Variants in P2RX6 observed in about 807,000 individuals in gnomAD.
P2RX6 encodes the protein P2X purinoceptor 6.
Under a neutral mutation model 54.2 loss-of-function variants are expected in P2RX6, and 62 were observed. The ratio of observed to expected loss-of-function variants is 1.14; its 90% CI spans 0.93 to 1.41. The LOEUF is 1.41. Among genes scored for constraint, P2RX6 ranks in the 40% most tolerant of loss-of-function variants. The pLI is 0.00. For missense variants in P2RX6, 541 were observed against 566.3 expected, an observed-to-expected ratio of 0.96 and a Z score of 0.45; for synonymous variants, 211 against 231.9, an observed-to-expected ratio of 0.91 and a Z score of 0.82.
Position 21,022,672 on chromosome 22 carries a change from TCAGCA to T in P2RX6, c.388-2_390del. On this transcript the variant is annotated splice_acceptor_variant and splice_polypyrimidine_tract_variant and coding_sequence_variant and intron_variant, in exon 4 of 12. Coordinates refer to ENST00000413302, the MANE Select transcript of P2RX6 (RefSeq NM_005446.5). LOFTEE classifies it high-confidence loss of function. ...ATTGGTGACTGCTCTCTCTCCCACC[TCAGCA>T]CCCGTCCGTCCCACTGGCTAACTGC... 1 of 1,538,788 alleles carries T rather than the reference TCAGCA, an allele frequency of 6.5e-7. No individual in the cohort carries two copies. Among genetic ancestry groups the T allele is most frequent in the African/African-American group, 1.4e-5 (1 of 72,658 alleles).
At chr22:21,013,111 G>T, upstream of P2RX6, 1 of 163,870 alleles carries the variant, frequency 6.1e-6, no homozygotes, top group South Asian at 1.7e-4. Context: ...AGCAGAAGAT[G>T]GGCACAATGC....
intron 8 of P2RX6, among the ~76,000 whole-genome samples, chr22:21,024,964 T>A (rs891551981): frequency 6.8e-6 from 1 of 147,610 alleles, no homozygotes; most frequent in Non-Finnish European, 1.5e-5. Context: ...CACTGCAATC[T>A]TTGCCTCTCG....
At chr22:21,012,874 A>T (rs1463440997), upstream of P2RX6, among the ~76,000 whole-genome samples, 1 of 144,046 alleles carries the variant, frequency 6.9e-6, no homozygotes, top group African/African-American at 2.6e-5. Context: ...CCTTCATGCC[A>T]TCTGTCATAG....
At chr22:21,025,740 G>T in intron 8 of P2RX6, 65 bp from the exon 9 acceptor site, 1 of 1,245,640 alleles carries the variant, frequency 8.0e-7, no homozygotes, top group South Asian at 1.3e-5. Context: ...ACAGAGGTCT[G>T]GCAGGGCCAG....
In P2RX6 at chr22:21,026,096, G is replaced by A. The variant is rs1441349729; in HGVS notation, c.1050+20G>A. 2 of 1,602,560 alleles carry A rather than the reference G, an allele frequency of 1.2e-6. No individual in the cohort carries two copies. The highest frequency in any genetic ancestry group is 2.2e-5 in the South Asian group (2 of 89,360). On this transcript the variant is annotated intron_variant, in intron 10 of 11. Transcript: ENST00000413302. The surrounding 1 kb of genome is among the most constrained non-coding windows in gnomAD (Gnocchi z 4.0). The stretch of plus-strand genomic sequence containing the variant: ...GGCGTGGTGAGTGCGAGCACTGTGG[G>A]CACCTGCAGGCTGCAGTGAGTGCTG...
intron 8 of P2RX6, 67 bp downstream of exon 8, chr22:21,023,685 C>A: frequency 8.7e-7 from 1 of 1,152,812 alleles, no homozygotes; most frequent in Non-Finnish European, 1.3e-6. Context: ...GCGGCCAGGA[C>A]AGACCACACC....
At position 21,023,580 on chromosome 22, in the gene P2RX6, C is replaced by G. The variant is rs746341590; in HGVS notation, c.852C>G (p.His284Gln). 13 of 1,612,838 alleles carry G rather than the reference C, an allele frequency of 8.1e-6. No individual in the cohort carries two copies. The East Asian group carries it at 2.9e-4, about 36-fold the overall frequency. ...LDTGDSGCWP[H>Q]YSFQLQEKSY... ...CCGGGGACTCTGGCTGCTGGCCTCA[C>G]TACTCCTTCCAGCTGCAGGAGAAGA... The change falls in exon 8 of 12, where the codon CAC (histidine) becomes CAG (glutamine). Residue 284 changes from histidine to glutamine, a missense_variant. Physicochemically the swap from His to Gln is conservative, Grantham distance 24 (BLOSUM62 0). Around this residue, in one of 2 missense-constraint regions of P2RX6, gnomAD observed 526 missense variants for 531.5 expected, o/e 0.99. Transcript: ENST00000413302.
chr22:21,022,615 C>A, intron 3 of P2RX6, 61 bp from the exon 4 acceptor site: 1 of 1,304,928 alleles, frequency 7.7e-7, no homozygotes, highest in Non-Finnish European at 1.0e-6. Context: ...GCCTTTGAGA[C>A]TGGGCTGTGG....
intron 3 of P2RX6, among the ~76,000 whole-genome samples, chr22:21,021,893 C>T (rs1927466006): frequency 6.6e-6 from 1 of 152,126 alleles, no homozygotes; most frequent in Admixed American, 6.5e-5. Context: ...GTGTGGGGTC[C>T]TGCTTCAATA....
upstream of P2RX6, among the ~76,000 whole-genome samples, chr22:21,012,199 C>A (rs1321381584): frequency 6.6e-6 from 1 of 152,060 alleles, no homozygotes; most frequent in Non-Finnish European, 1.5e-5. Flanking sequence ...CCGCCCCCAA[C>A]TCTCTGTGTT....
intron 3 of P2RX6, among the ~76,000 whole-genome samples, chr22:21,021,737 C>T (rs1454543175): frequency 6.6e-6 from 1 of 152,090 alleles, no homozygotes; most frequent in South Asian, 2.1e-4. Context: ...AGGGTGCCTT[C>T]GTCTCTGGGG....
At chr22:21,023,644 C>T in intron 8 of P2RX6, 26 bp downstream of exon 8, 5 of 1,517,902 alleles carry the variant, frequency 3.3e-6, no homozygotes, top group Non-Finnish European at 4.5e-6. Context: ...TCCCAGTGCC[C>T]AGCTGCTGGG....
rs1928311008 is a variant in P2RX6 at position 21,025,722 on chromosome 22, C to G, written c.891-83C>G. The G allele has an allele frequency of 7.3e-6, 7 of 964,640 alleles. No homozygotes were observed. In the South Asian group the frequency reaches 9.9e-5, roughly 14 times the overall value. 59.8% of individuals were successfully genotyped at this position (964,640 alleles called of 1,614,324 possible). ...GCTGGGGGTTTATAGAGTCAATTGA[C>G]AAGTTGGACAGAGGTCTGGCAGGGC... is the stretch of plus-strand genomic sequence containing the variant. On this transcript the variant is annotated intron_variant, in intron 8 of 11. Transcript: ENST00000413302.
rs1483068801 is a variant in P2RX6 at position 21,025,861 on chromosome 22, T to C, written c.947T>C (p.Leu316Pro). 1.3e-6 allele frequency: 2 copies of C among 1,573,510 alleles called. No individual in the cohort carries two copies. Among genetic ancestry groups the C allele is most frequent in the Admixed American group, 3.7e-5 (2 of 53,868 alleles). ...PGVEARTLLK[L>P]YGIRFDILVT... is the part of the protein sequence containing the mutation. ...GTGGAGGCCCGCACCCTGCTCAAGC[T>C]CTATGGAATCCGCTTCGACATCCTC... Residue 316 changes from leucine (L) to proline (P), a missense_variant, in exon 9 of 12, where the codon CTC becomes CCC. Coordinates refer to ENST00000413302, the MANE Select transcript of P2RX6 (RefSeq NM_005446.5).
chr22:21,014,308 C>A (rs995867874), upstream of P2RX6: 1 of 152,574 alleles, frequency 6.6e-6, no homozygotes, highest in African/African-American at 2.4e-5. Context: ...GCGGAGTCTG[C>A]GGCTGCGCTG....
intron 2 of P2RX6, among the ~76,000 whole-genome samples, chr22:21,017,153 A>G (rs1231638523): frequency 1.3e-5 from 2 of 152,076 alleles, no homozygotes; most frequent in African/African-American, 2.4e-5. Context: ...ACCACGCAGC[A>G]GCCAAGCTGA....
At position 21,026,171 on chromosome 22, in the gene P2RX6, T is replaced by C; in HGVS notation, c.1051-81T>C. On this transcript the variant is annotated intron_variant, in intron 10 of 11. Coordinates refer to ENST00000413302, the MANE Select transcript of P2RX6 (RefSeq NM_005446.5). This position sits in a 1 kb window ranked among gnomAD's most constrained non-coding sequence, Gnocchi z 4.0. ...GCTGGAGCCTCCGGTGCCTGCACATTGAGTCTCGGGGTGCAGGCTGGGGAG... is the reference window on the plus strand; with the variant it reads ...GCTGGAGCCTCCGGTGCCTGCACATCGAGTCTCGGGGTGCAGGCTGGGGAG... 1.3e-6 allele frequency: 2 copies of C among 1,522,614 alleles called. No homozygotes were observed. Among genetic ancestry groups the C allele is most frequent in the East Asian group, 2.4e-5 (1 of 42,212 alleles). The allele number at this position is 1,522,614 out of a possible 1,614,324, so 94.3% of individuals were successfully genotyped here. A position where few individuals can be genotyped will look rare whatever the true frequency, so the allele number is the denominator to read the frequency against.
intron 3 of P2RX6, among the ~76,000 whole-genome samples, chr22:21,019,565 C>T (rs888596274): frequency 9.8e-5 from 15 of 152,330 alleles, no homozygotes; most frequent in African/African-American, 2.4e-4. Context: ...CCACCAGCCT[C>T]GGCCTCTCAA....
At chr22:21,018,384 C>CGAGA in intron 3 of P2RX6, 16 of 375,932 alleles carry the variant, frequency 4.3e-5, no homozygotes, top group Middle Eastern at 9.3e-4. Context: ...TGTCCAGGCC[C>CGAGA]TCCCATCCTG....
Sources: allele counts gnomAD v4.1 joint callset (sites outside exome capture counted in the v4.1 genomes callset), GRCh38; gene constraint gnomAD v4.1.1; regional missense constraint gnomAD v4.1.1; non-coding constraint Gnocchi (gnomAD v3.1); transcripts MANE v1.5; gene names NCBI Gene and HGNC (gene_info 2026-07-23, HGNC 2026-07-21).